The following DPYD variants were observed in gnomAD, a reference collection of about 807,000 sequenced individuals.
DPYD encodes the protein dihydropyrimidine dehydrogenase [NADP(+)].
DPYD carries 109 observed loss-of-function variants against 116.2 expected under a neutral mutation model. The ratio of observed to expected loss-of-function variants is 0.94; its 90% CI spans 0.80 to 1.10. The LOEUF (loss-of-function observed/expected upper bound fraction) is 1.10. DPYD is among the 50% of genes least tolerant of loss of function. The pLI is 0.00. For missense variants in DPYD, 1,302 were observed against 1,254.5 expected, an observed-to-expected ratio of 1.04 and a Z score of -0.57; for synonymous variants, 440 against 432.0, an observed-to-expected ratio of 1.02 and a Z score of -0.23.
chr1:97,160,144 TC>T (rs2101741499), intron 20 of DPYD, among the ~76,000 whole-genome samples: 1 of 152,230 alleles, frequency 6.6e-6, no homozygotes, highest in African/African-American at 2.4e-5. Context: ...ACCAACAATT[TC>T]TATATAGTGT....
At chr1:97,366,162 T>C (rs747182633) in intron 16 of DPYD, among the ~76,000 whole-genome samples, 1 of 152,204 alleles carries the variant, frequency 6.6e-6, no homozygotes, top group African/African-American at 2.4e-5. Context: ...GTTACATAAA[T>C]GTCTCTTACA....
At chr1:97,868,137 T>C (rs778075183) in intron 2 of DPYD, among the ~76,000 whole-genome samples, 2 of 147,612 alleles carry the variant, frequency 1.4e-5, no homozygotes, top group Non-Finnish European at 3.0e-5. Flanking sequence ...AGCTAAAAAA[T>C]ATATAATTAA....
intron 14 of DPYD, among the ~76,000 whole-genome samples, chr1:97,401,982 T>C (rs956005732): frequency 6.6e-6 from 1 of 152,142 alleles, no homozygotes; most frequent in African/African-American, 2.4e-5. Context: ...AATTGATCTA[T>C]TTGTCTATTC....
At chr1:97,181,766 G>A (rs988019788) in intron 20 of DPYD, among the ~76,000 whole-genome samples, 3 of 152,096 alleles carry the variant, frequency 2.0e-5, no homozygotes, top group Admixed American at 6.6e-5. Flanking sequence ...CACATATTCA[G>A]TATTATCCCA....
At chr1:97,609,924 T>A (rs1171412417) in intron 8 of DPYD, among the ~76,000 whole-genome samples, 1 of 152,036 alleles carries the variant, frequency 6.6e-6, no homozygotes, top group Non-Finnish European at 1.5e-5. Context: ...CCACTTAAAC[T>A]TAAATGGCGT....
intron 14 of DPYD, among the ~76,000 whole-genome samples, chr1:97,424,359 T>C (rs1674748441): frequency 6.6e-6 from 1 of 151,958 alleles, no homozygotes; most frequent in Admixed American, 6.6e-5. Context: ...CTCTTTCACC[T>C]CCTGAATAGA....
intron 16 of DPYD, among the ~76,000 whole-genome samples, chr1:97,358,052 G>A (rs1466295685): frequency 3.3e-5 from 5 of 152,168 alleles, no homozygotes; most frequent in African/African-American, 1.2e-4. Context: ...CCTAGCCAAG[G>A]GATGCCGTGA....
chr1:97,232,862 G>A (rs1661669130), intron 19 of DPYD, among the ~76,000 whole-genome samples: 1 of 152,100 alleles, frequency 6.6e-6, no homozygotes, highest in South Asian at 2.1e-4. Context: ...TAAAATATCT[G>A]ACAGATAATT....
chr1:97,449,942 G>C (rs1676315232), intron 14 of DPYD, 117 bp downstream of exon 14: 2 of 1,329,998 alleles, frequency 1.5e-6, no homozygotes, highest in East Asian at 5.0e-5. Context: ...AAAGCAACTG[G>C]CAGATTCTTT....
At position 97,078,234 on chromosome 1, in the gene DPYD, C is replaced by T. The variant is rs1282017100; in HGVS notation, c.*742G>A. ...AAAAGAGTGGTAACCAGGATCTATC[C>T]TATCATCTCATTTTGTTAGGAACAT... On this transcript the variant is annotated 3_prime_UTR_variant, in exon 23 of 23. Coordinates refer to ENST00000370192, the MANE Select transcript of DPYD (RefSeq NM_000110.4). 1 of 153,486 alleles carries T rather than the reference C, an allele frequency of 6.5e-6. No homozygotes were observed. The highest frequency in any genetic ancestry group is 1.5e-5 in the Non-Finnish European group (1 of 68,936). The allele number at this position is 153,486 out of a possible 1,614,324, so 9.5% of individuals were successfully genotyped here. A position where few individuals can be genotyped will look rare whatever the true frequency, so the allele number is the denominator to read the frequency against.
intron 20 of DPYD, among the ~76,000 whole-genome samples, chr1:97,100,035 A>G (rs1319008006): frequency 6.6e-6 from 1 of 152,092 alleles, no homozygotes; most frequent in Non-Finnish European, 1.5e-5. Flanking sequence ...ATGAGACTAG[A>G]ACTGAGTACT....
intron 18 of DPYD, among the ~76,000 whole-genome samples, chr1:97,294,808 G>A (rs530823868): frequency 1.3e-5 from 2 of 152,200 alleles, no homozygotes; most frequent in South Asian, 2.1e-4. Context: ...TCCTTGAAAC[G>A]AATCCAAGAA....
rs536710292 is a variant in DPYD, at chr1:97,194,499, T to TTTTA, written c.2443-1255_2443-1252dup. Among the ~76,000 whole-genome samples, 410 of 152,006 alleles carry TTTTA rather than the reference T, an allele frequency of 2.7e-3. 2 individuals carry two copies. Among genetic ancestry groups the TTTTA allele is most frequent in the East Asian group, 4.3e-3 (22 of 5,166 alleles). On this transcript the variant is annotated intron_variant, in intron 19 of 22. Transcript: ENST00000370192. ...AAATTACCCAGTCTCAGGTATATCT[T>TTTTA]TTTATTTATTTATTTATTTATTTAT...
rs546186786 is a variant in DPYD, at chr1:97,301,778, G to A, written c.2299+3481C>T. ...GACTGATTCTTAACCAGCTCTGAAAGAATCTTACCCACAGGGAGGATTTCA... is the reference window on the plus strand; with the variant it reads ...GACTGATTCTTAACCAGCTCTGAAAAAATCTTACCCACAGGGAGGATTTCA... On this transcript the variant is annotated intron_variant, in intron 18 of 22. Coordinates refer to ENST00000370192, the MANE Select transcript of DPYD (RefSeq NM_000110.4). Among the ~76,000 whole-genome samples the A allele has an allele frequency of 1.1e-4, 17 of 152,000 alleles. No individual in the cohort carries two copies. The East Asian group carries it at 3.3e-3, about 30-fold the overall frequency.
chr1:97,518,068 T>C (rs1482040096), intron 12 of DPYD, among the ~76,000 whole-genome samples: 1 of 152,088 alleles, frequency 6.6e-6, no homozygotes, highest in East Asian at 1.9e-4. Context: ...TTGAAATTCT[T>C]ACGAACATTG....
At chr1:97,345,219 A>G (rs901804745) in intron 16 of DPYD, among the ~76,000 whole-genome samples, 4 of 151,942 alleles carry the variant, frequency 2.6e-5, no homozygotes, top group Non-Finnish European at 5.9e-5. Flanking sequence ...CCCTGCTTAC[A>G]TGAAGAGTGC....
At chr1:97,254,167 T>C (rs986441136) in intron 18 of DPYD, among the ~76,000 whole-genome samples, 1 of 152,168 alleles carries the variant, frequency 6.6e-6, no homozygotes, top group African/African-American at 2.4e-5. Flanking sequence ...TACCCAAATA[T>C]GTTGACTCCC....
intron 20 of DPYD, among the ~76,000 whole-genome samples, chr1:97,157,701 T>C (rs1433390619): frequency 2.6e-5 from 4 of 152,280 alleles, no homozygotes; most frequent in South Asian, 2.1e-4. Context: ...CAATAGAGTA[T>C]TGCTTCTGAA....
intron 20 of DPYD, among the ~76,000 whole-genome samples, chr1:97,167,692 T>C (rs570536404): frequency 2.0e-3 from 306 of 152,312 alleles, no homozygotes; most frequent in Non-Finnish European, 3.5e-3. Flanking sequence ...TTGTTGATTT[T>C]CATGTGAGTT....
Sources: gnomAD v4.1 joint callset for allele counts (sites outside exome capture counted in the v4.1 genomes callset) on GRCh38, gnomAD v4.1.1 for gene constraint, MANE v1.5 for transcripts, NCBI Gene and HGNC (gene_info 2026-07-23, HGNC 2026-07-21) for gene names.